Variants in ZNF2 observed in about 807,000 individuals in gnomAD.
ZNF2 encodes zinc finger protein 2.
ZNF2 carries 12 observed loss-of-function variants against 21.9 expected under a neutral mutation model. That is an observed-to-expected ratio of 0.55 (90% CI 0.35 to 0.89). ZNF2 has a LOEUF of 0.89. Among genes scored for constraint, ZNF2 ranks in the 40% least tolerant of loss-of-function variants. The probability of loss-of-function intolerance (pLI) is 0.01; values close to 1 mark genes in which losing one functional copy is unlikely to be tolerated. For missense variants in ZNF2, 462 were observed against 544.2 expected (o/e 0.85, Z 1.50); for synonymous variants, 186 against 196.3 (o/e 0.95, Z 0.44).
chr2:95,178,907 A>G (rs1558714855), intron 3 of ZNF2, among the ~76,000 whole-genome samples: 1 of 152,164 alleles, frequency 6.6e-6, no homozygotes, highest in East Asian at 1.9e-4. Flanking sequence ...ACTGATATAA[A>G]TAAAATGGTA....
chr2:95,182,626 A>T lies in ZNF2; in HGVS notation c.*520A>T, dbSNP rs1183674455. ...CCTGCGATGAGGTAAAGACTCAGCT[A>T]AGGGTTTTACAGGAAGTAGATTAAT... On this transcript the variant is annotated 3_prime_UTR_variant, in exon 5 of 5. Transcript: ENST00000614034. 6.5e-6 allele frequency: 1 copy of T among 154,232 alleles called. No homozygotes were observed. Among genetic ancestry groups the T allele is most frequent in the Non-Finnish European group, 1.4e-5 (1 of 69,266 alleles). 9.6% of individuals were successfully genotyped at this position (154,232 alleles called of 1,614,324 possible).
At chr2:95,178,014 A>G (rs1368618092) in intron 3 of ZNF2, among the ~76,000 whole-genome samples, 1 of 152,188 alleles carries the variant, frequency 6.6e-6, no homozygotes, top group Non-Finnish European at 1.5e-5. Context: ...CAGCTCACCC[A>G]GAGGAGTGTG....
intron 1 of ZNF2, among the ~76,000 whole-genome samples, chr2:95,173,148 C>G (rs1250788003): frequency 1.3e-5 from 2 of 151,864 alleles, no homozygotes; most frequent in Middle Eastern, 6.3e-3. Flanking sequence ...AAATATTATA[C>G]AGTAAGTCAT....
intron 1 of ZNF2, among the ~76,000 whole-genome samples, chr2:95,174,263 G>C (rs181713084): frequency 6.6e-6 from 1 of 152,302 alleles, no homozygotes; most frequent in East Asian, 1.9e-4. Context: ...TCCTAGGAGA[G>C]AATTGCTGGG....
chr2:95,172,257 CA>C (rs1382686660), intron 1 of ZNF2, among the ~76,000 whole-genome samples: 1 of 152,174 alleles, frequency 6.6e-6, no homozygotes, highest in Non-Finnish European at 1.5e-5. Flanking sequence ...ATTGTTTGCA[CA>C]AATAGTTTAG....
intron 3 of ZNF2, 23 bp from the exon 4 acceptor site, chr2:95,180,136 T>C: frequency 6.5e-7 from 1 of 1,533,498 alleles, no homozygotes. Context: ...AGCCACCTGC[T>C]TTGTTTCTTT....
intron 1 of ZNF2, among the ~76,000 whole-genome samples, chr2:95,173,748 C>T (rs1476088344): frequency 2.6e-5 from 4 of 152,182 alleles, no homozygotes; most frequent in Non-Finnish European, 4.4e-5. Flanking sequence ...CTTGCTCTGT[C>T]GCCAGGCTGG....
intron 1 of ZNF2, among the ~76,000 whole-genome samples, chr2:95,173,315 G>A (rs929278765): frequency 1.1e-4 from 16 of 152,150 alleles, no homozygotes; most frequent in Middle Eastern, 3.4e-3. Context: ...TCCTTTATCT[G>A]ATTAATGGAC....
intron 3 of ZNF2, 123 bp downstream of exon 3, chr2:95,177,732 A>C (rs1674497082): frequency 7.7e-7 from 1 of 1,294,938 alleles, no homozygotes. Context: ...ATAAAGTAAG[A>C]GTCGAAAGAT....
chr2:95,171,370 T>TTTC (rs368384287), intron 1 of ZNF2, among the ~76,000 whole-genome samples: 1 of 151,682 alleles, frequency 6.6e-6, no homozygotes, highest in Non-Finnish European at 1.5e-5. Context: ...ATTGTCTGTT[T>TTTC]TTCTTCTTCT....
rs1335602461 is a variant in ZNF2, at chr2:95,181,611, G to A, written c.783G>A (p.Glu261=). Residue 261 remains glutamate, a synonymous_variant, in exon 5 of 5, where the codon GAG becomes GAA. Coordinates refer to ENST00000614034, the MANE Select transcript of ZNF2 (RefSeq NM_021088.4). The stretch of plus-strand genomic sequence containing the variant: ...GAGAGAAACCCTTTCAGTGCAACGA[G>A]TGTGGAAAAGCCTTTTTTGACCGTT... ...HTGEKPFQCN[E]CGKAFFDRSS... is the part of the protein sequence containing the mutation. 1 of 1,614,108 alleles carries A rather than the reference G, an allele frequency of 6.2e-7. No homozygotes were observed. The highest frequency in any genetic ancestry group is 1.3e-5 in the African/African-American group (1 of 74,936).
chr2:95,176,517 G>A (rs776400960), intron 2 of ZNF2, among the ~76,000 whole-genome samples: 1 of 152,184 alleles, frequency 6.6e-6, no homozygotes, highest in Admixed American at 6.5e-5. Context: ...GAAGCCAATG[G>A]TAGGGTCTGA....
intron 1 of ZNF2, among the ~76,000 whole-genome samples, chr2:95,168,387 T>G (rs964065288): frequency 3.3e-5 from 5 of 150,548 alleles, no homozygotes; most frequent in African/African-American, 1.2e-4. Flanking sequence ...ATCGTGCCAT[T>G]GCACTCCAGC....
intron 1 of ZNF2, among the ~76,000 whole-genome samples, chr2:95,167,595 C>A (rs1358760460): frequency 1.3e-5 from 2 of 151,444 alleles, no homozygotes; most frequent in Admixed American, 1.3e-4. Context: ...TGCCTGTAAT[C>A]CCAGCACTTT....
At chr2:95,179,090 C>T (rs1440435818) in intron 3 of ZNF2, among the ~76,000 whole-genome samples, 1 of 149,872 alleles carries the variant, frequency 6.7e-6, no homozygotes, top group African/African-American at 2.5e-5. Flanking sequence ...CTCCAGGGTT[C>T]AAGCAATTCT....
chr2:95,168,722 A>G (rs1208035082), intron 1 of ZNF2, among the ~76,000 whole-genome samples: 16 of 152,220 alleles, frequency 1.1e-4, no homozygotes. Flanking sequence ...ATTTATAACT[A>G]TGCTGTGAGT....
chr2:95,172,462 C>T (rs1395008791), intron 1 of ZNF2, among the ~76,000 whole-genome samples: 1 of 151,918 alleles, frequency 6.6e-6, no homozygotes, highest in Non-Finnish European at 1.5e-5. Flanking sequence ...TAAGGACTTA[C>T]TCTTGTTGAA....
chr2:95,165,919 G>A lies in ZNF2; in HGVS notation c.-40+59G>A, dbSNP rs115174079. 7.6e-3 allele frequency: 1,163 copies of A among 152,400 alleles called. 15 individuals are homozygous for A. Among genetic ancestry groups the A allele is most frequent in the African/African-American group, 0.027 (1,119 of 41,552 alleles). The allele number at this position is 152,400 out of a possible 1,614,324, so 9.4% of individuals were successfully genotyped here. ...GAGTGAGCGCAGCAGCCGAGAGAGG[G>A]GACATGAGAACTTTGGGGAGGTGCT... On this transcript the variant is annotated intron_variant, in intron 1 of 4. Coordinates refer to ENST00000614034, the MANE Select transcript of ZNF2 (RefSeq NM_021088.4).
chr2:95,180,313 C>T (rs1674597092), intron 4 of ZNF2, 41 bp downstream of exon 4: 1 of 1,421,168 alleles, frequency 7.0e-7, no homozygotes, highest in African/African-American at 1.4e-5. Context: ...TTTTGTTTGG[C>T]TTTTTGTTAT....
Sources: allele counts gnomAD v4.1 joint callset (sites outside exome capture counted in the v4.1 genomes callset), GRCh38; gene constraint gnomAD v4.1.1; transcripts MANE v1.5; gene names NCBI Gene and HGNC (gene_info 2026-07-23, HGNC 2026-07-21).